Variants in SIRT5 observed in about 807,000 individuals in gnomAD.
SIRT5 encodes sirtuin 5.
SIRT5 carries 26 observed loss-of-function variants against 40.0 expected under a neutral mutation model. That is an observed-to-expected ratio of 0.65 (90% CI 0.48 to 0.90). The LOEUF (loss-of-function observed/expected upper bound fraction) is 0.90, where lower values mean the gene tolerates loss of function less well. Ranked by LOEUF, SIRT5 falls within the 40% of genes least tolerant of loss-of-function variation. The pLI is 0.00. For synonymous variants in SIRT5, 146 were observed against 149.1 expected (o/e 0.98, Z 0.15); for missense variants, 401 against 402.4 (o/e 1.00, Z 0.03).
chr6:13,595,975 G>GA (rs1761524241), intron 6 of SIRT5, among the ~76,000 whole-genome samples: 1 of 152,178 alleles, frequency 6.6e-6, no homozygotes. Flanking sequence ...CTGGGTGACA[G>GA]AGGGAGACCC....
chr6:13,584,413 C>T (rs1355781143), intron 3 of SIRT5, among the ~76,000 whole-genome samples, 188 bp downstream of exon 3: 2 of 151,952 alleles, frequency 1.3e-5, no homozygotes, highest in South Asian at 2.1e-4. Context: ...TGCGGTGGTG[C>T]GACCTCGGCT....
chr6:13,584,015 C>A (rs1267322653), intron 2 of SIRT5, 61 bp from the exon 3 acceptor site: 1 of 697,380 alleles, frequency 1.4e-6, no homozygotes, highest in African/African-American at 1.8e-5. Flanking sequence ...ATACATATTT[C>A]CATATATAAA....
chr6:13,578,636 AAG>A (rs1758943516), intron 1 of SIRT5, among the ~76,000 whole-genome samples: 1 of 151,258 alleles, frequency 6.6e-6, no homozygotes, highest in Non-Finnish European at 1.5e-5. Flanking sequence ...AAAAAAAAAA[AAG>A]AAAATAATTG....
chr6:13,613,213 T>C lies in SIRT5; in HGVS notation c.*1348T>C, dbSNP rs1049321047. ...ACGTGGCAACCCTCACTTCTTAAGT[T>C]ATTGCTGTCAGATGCATCTGCCATA... is the stretch of plus-strand genomic sequence containing the variant. On this transcript the variant is annotated 3_prime_UTR_variant, in exon 10 of 10. Transcript: ENST00000606117. 1.3e-5 allele frequency: 2 copies of C among 152,296 alleles called. No homozygotes were observed. Among genetic ancestry groups the C allele is most frequent in the Non-Finnish European group, 2.9e-5 (2 of 68,114 alleles). The allele number at this position is 152,296 out of a possible 1,614,324, so 9.4% of individuals were successfully genotyped here.
rs1763893571 is a variant in SIRT5 at position 13,611,325 on chromosome 6, T to TA, written c.858-464dup. ...GTGTCTATATATAACATGCCAAACA[T>TA]ACGTGTTATATAGATACACATAAAA... is the stretch of plus-strand genomic sequence containing the variant. On this transcript the variant is annotated intron_variant, in intron 9 of 9. Transcript: ENST00000606117. Among the ~76,000 whole-genome samples the TA allele has an allele frequency of 4.0e-5, 6 of 149,538 alleles. No homozygotes were observed. The Admixed American group carries it at 4.0e-4, about 10-fold the overall frequency.
chr6:13,590,559 G>A (rs75837496), intron 4 of SIRT5, among the ~76,000 whole-genome samples: 3 of 151,716 alleles, frequency 2.0e-5, no homozygotes, highest in African/African-American at 4.8e-5. Context: ...GTAATTGTGT[G>A]TATGTTTAGT....
Position 13,580,984 on chromosome 6 carries a change from A to G in SIRT5, c.-36+1375A>G, listed in dbSNP as rs949585758. 2.6e-5 allele frequency among the ~76,000 whole-genome samples: 4 copies of G among 152,184 alleles called. No homozygotes were observed. The East Asian group carries it at 7.7e-4, about 29-fold the overall frequency. On this transcript the variant is annotated intron_variant, in intron 2 of 9. Coordinates refer to ENST00000606117, the MANE Select transcript of SIRT5 (RefSeq NM_012241.5). ...CCCTTTTTTTTCTTGTTGTGAAGCA[A>G]TTTTATTTTGAAATAATTTTAGGCT...
Position 13,584,189 on chromosome 6 carries a change from A to T in SIRT5, c.79A>T (p.Asn27Tyr). 1 of 1,614,208 alleles carries T rather than the reference A, an allele frequency of 6.2e-7. No individual in the cohort carries two copies. Among genetic ancestry groups the T allele is most frequent in the Non-Finnish European group, 8.5e-7 (1 of 1,180,040 alleles). The stretch of plus-strand genomic sequence containing the variant: ...CCTGAAGCCTCCAGCGTCCACACGA[A>T]ACCAGATTTGCCTGAAAATGGCTCG... ...CGLKPPASTR[N>Y]QICLKMARPS... Residue 27 changes from asparagine to tyrosine, a missense_variant, in exon 3 of 10, where the codon AAC becomes TAC. Transcript: ENST00000606117.
chr6:13,612,424 T>C lies in SIRT5; in HGVS notation c.*559T>C, dbSNP rs554435066. The C allele has an allele frequency of 3.0e-4, 44 of 148,814 alleles. No individual in the cohort carries two copies. The highest frequency in any genetic ancestry group is 6.8e-4 in the Admixed American group (10 of 14,802). The allele number at this position is 148,814 out of a possible 1,614,324, so 9.2% of individuals were successfully genotyped here. On this transcript the variant is annotated 3_prime_UTR_variant, in exon 10 of 10. Transcript: ENST00000606117. ...GGTGCGATCTCAGCTCACAGCAACC[T>C]CCGCCTCCCGGGTTCAAGAGATTCT...
chr6:13,578,378 T>C (rs1758886797), intron 1 of SIRT5, among the ~76,000 whole-genome samples: 1 of 152,022 alleles, frequency 6.6e-6, no homozygotes, highest in Non-Finnish European at 1.5e-5. Flanking sequence ...TAATTGGTAT[T>C]GGGAGGCCGA....
At chr6:13,605,688 TTC>T in intron 9 of SIRT5, 1 of 985,496 alleles carries the variant, frequency 1.0e-6, no homozygotes. Context: ...ATTGGATGAT[TTC>T]TGATAAACCC....
chr6:13,613,553 A>G lies in SIRT5; in HGVS notation c.*1688A>G, dbSNP rs1449499027. 1 of 152,268 alleles carries G rather than the reference A, an allele frequency of 6.6e-6. No homozygotes were observed. Among genetic ancestry groups the G allele is most frequent in the Admixed American group, 6.5e-5 (1 of 15,286 alleles). The allele number at this position is 152,268 out of a possible 1,614,324, so 9.4% of individuals were successfully genotyped here. ...CTTGGCTTTTGTAGAAACAGGCAAC[A>G]AGACACTATCATATAAAACTTTGTA... is the stretch of plus-strand genomic sequence containing the variant. On this transcript the variant is annotated 3_prime_UTR_variant, in exon 10 of 10. Transcript: ENST00000606117.
chr6:13,612,045 A>G lies in SIRT5; in HGVS notation c.*180A>G. 1 of 481,404 alleles carries G rather than the reference A, an allele frequency of 2.1e-6. No homozygotes were observed. The allele number at this position is 481,404 out of a possible 1,614,324, so 29.8% of individuals were successfully genotyped here. A position where few individuals can be genotyped will look rare whatever the true frequency, so the allele number is the denominator to read the frequency against. On this transcript the variant is annotated 3_prime_UTR_variant, in exon 10 of 10. Coordinates refer to ENST00000606117, the MANE Select transcript of SIRT5 (RefSeq NM_012241.5). ...TTTAGAAGTAGCAAAGAGCACCCAC[A>G]TTCAAAAGTCACAGAACTGGAAAGT...
chr6:13,604,792 T>G (rs1227062330), intron 9 of SIRT5: 3 of 1,135,182 alleles, frequency 2.6e-6, no homozygotes, highest in South Asian at 3.2e-5. Context: ...CAGACCTGTT[T>G]CAGCTGCTAC....
intron 9 of SIRT5, 94 bp from the exon 10 acceptor site, chr6:13,611,696 G>T: frequency 1.1e-6 from 1 of 907,598 alleles, no homozygotes; most frequent in Non-Finnish European, 1.8e-6. Context: ...GTTTTACTTC[G>T]GCTATTACTT....
At chr6:13,611,682 T>G (rs1284326722) in intron 9 of SIRT5, 108 bp from the exon 10 acceptor site, 1 of 783,462 alleles carries the variant, frequency 1.3e-6, no homozygotes, top group Non-Finnish European at 2.3e-6. Flanking sequence ...TTATGAGAAT[T>G]TGGGTTTTAC....
At chr6:13,584,822 A>G (rs1759850049) in intron 3 of SIRT5, among the ~76,000 whole-genome samples, 1 of 152,190 alleles carries the variant, frequency 6.6e-6, no homozygotes, top group Non-Finnish European at 1.5e-5. Flanking sequence ...AAAACTGGTG[A>G]TTGTCCTATA....
At chr6:13,604,122 G>A (rs921701701) in intron 9 of SIRT5, among the ~76,000 whole-genome samples, 6 of 152,296 alleles carry the variant, frequency 3.9e-5, no homozygotes, top group South Asian at 2.1e-4. Flanking sequence ...TTGTGGTGAT[G>A]GTTGTATAAT....
intron 9 of SIRT5, among the ~76,000 whole-genome samples, chr6:13,606,778 C>A (rs1174238847): frequency 6.6e-6 from 1 of 152,092 alleles, no homozygotes; most frequent in African/African-American, 2.4e-5. Context: ...GCCTCCCGGG[C>A]TCAAGCAGTC....
Sources: gnomAD v4.1 joint callset for allele counts (sites outside exome capture counted in the v4.1 genomes callset) on GRCh38, gnomAD v4.1.1 for gene constraint, MANE v1.5 for transcripts, NCBI Gene and HGNC (gene_info 2026-07-23, HGNC 2026-07-21) for gene names.